DOCK4: variants seen among roughly 807,000 people sequenced by gnomAD.
DOCK4 encodes the protein dedicator of cytokinesis protein 4.
A neutral mutation model predicts 268.1 loss-of-function variants in DOCK4; 97 were observed. The observed-to-expected ratio is 0.36, with a 90% confidence interval of 0.31 to 0.43. DOCK4 has a LOEUF of 0.43. DOCK4 is among the 20% of genes least tolerant of loss of function. DOCK4 has a pLI of 1.00. For missense variants in DOCK4, 2,145 were observed against 2,455.7 expected, an observed-to-expected ratio of 0.87 and a Z score of 2.67; for synonymous variants, 954 against 887.2, an observed-to-expected ratio of 1.08 and a Z score of -1.34.
intron 1 of DOCK4, among the ~76,000 whole-genome samples, chr7:112,197,220 G>A (rs1820527516): frequency 6.6e-6 from 1 of 150,984 alleles, no homozygotes; most frequent in Non-Finnish European, 1.5e-5. Flanking sequence ...CTTCCTTTAA[G>A]TCACTTATTT....
At chr7:112,074,709 AT>A (rs1807907246) in intron 1 of DOCK4, among the ~76,000 whole-genome samples, 1 of 151,980 alleles carries the variant, frequency 6.6e-6, no homozygotes, top group Non-Finnish European at 1.5e-5. Flanking sequence ...CAGTTGGCCA[AT>A]TTTCTCACTT....
At chr7:112,059,877 G>A (rs1422981127) in intron 1 of DOCK4, among the ~76,000 whole-genome samples, 2 of 152,092 alleles carry the variant, frequency 1.3e-5, no homozygotes. Context: ...TGCTCTCAAA[G>A]TCTATACAAA....
chr7:111,753,706 CTGTT>C (rs1796840277), intron 42 of DOCK4, among the ~76,000 whole-genome samples: 1 of 152,190 alleles, frequency 6.6e-6, no homozygotes, highest in South Asian at 2.1e-4. Context: ...CTACCTGTCC[CTGTT>C]CTTGAAGACC....
chr7:112,014,457 T>C (rs536196682), intron 1 of DOCK4, among the ~76,000 whole-genome samples: 3 of 152,234 alleles, frequency 2.0e-5, no homozygotes, highest in East Asian at 3.9e-4. Context: ...AACTGGAAGA[T>C]AGGGACCCAG....
At chr7:111,881,953 G>A (rs1246764235) in intron 16 of DOCK4, among the ~76,000 whole-genome samples, 2 of 152,184 alleles carry the variant, frequency 1.3e-5, no homozygotes, top group Non-Finnish European at 2.9e-5. Flanking sequence ...AGATGACAGG[G>A]AGGTGGGGAT....
chr7:112,082,069 C>T, intron 1 of DOCK4, among the ~76,000 whole-genome samples: 1 of 152,044 alleles, frequency 6.6e-6, no homozygotes, highest in East Asian at 1.9e-4. Flanking sequence ...AATTACATGA[C>T]ATTATACATG....
chr7:111,831,305 A>G (rs1802794110), intron 26 of DOCK4, among the ~76,000 whole-genome samples: 1 of 152,082 alleles, frequency 6.6e-6, no homozygotes, highest in Admixed American at 6.6e-5. Flanking sequence ...CACCTTTTTA[A>G]TATTATCAGT....
Position 111,994,180 on chromosome 7 carries a change from T to C in DOCK4, c.270A>G (p.Thr90=). 1 of 1,608,936 alleles carries C rather than the reference T, an allele frequency of 6.2e-7. No homozygotes were observed. The highest frequency in any genetic ancestry group is 8.5e-7 in the Non-Finnish European group (1 of 1,176,860). ...PTEDSVITEM[T]STLRDWGTMW... ...TGGTTCCCCAGTCTCTTAATGTTGA[T>C]GTCATTTCTGTGATAACAGAGTCTT... Residue 90 remains threonine (T), a synonymous_variant, in exon 5 of 53, where the codon ACA becomes ACG. Coordinates refer to ENST00000428084, the MANE Select transcript of DOCK4 (RefSeq NM_001363540.2).
At chr7:112,010,832 TA>T (rs1369396418) in intron 1 of DOCK4, among the ~76,000 whole-genome samples, 1 of 152,158 alleles carries the variant, frequency 6.6e-6, no homozygotes, top group African/African-American at 2.4e-5. Flanking sequence ...TCTGACGTAT[TA>T]AAAGGTACCA....
intron 1 of DOCK4, among the ~76,000 whole-genome samples, chr7:112,160,004 T>C (rs540595048): frequency 3.5e-4 from 53 of 152,202 alleles, no homozygotes; most frequent in African/African-American, 1.0e-3. Context: ...GACACTCCAA[T>C]GAGCATTTCA....
chr7:111,827,238 G>A lies in DOCK4; in HGVS notation c.2836-4782C>T, dbSNP rs181645274. Among the ~76,000 whole-genome samples the A allele has an allele frequency of 1.3e-3, 201 of 152,096 alleles. 1 individual carries two copies. The highest frequency in any genetic ancestry group is 4.5e-3 in the African/African-American group (187 of 41,474). ...AAAATGGAATCTTTAAGTATCTTAC[G>A]CAAAATAACTCCCAAATGATCGTCC... On this transcript the variant is annotated intron_variant, in intron 26 of 52. Transcript: ENST00000428084.
Position 112,018,179 on chromosome 7 carries a change from A to AAAAAAAACACAC in DOCK4, c.38-14049_38-14048insGTGTGTTTTTTT. 8.3e-5 allele frequency among the ~76,000 whole-genome samples: 6 copies of AAAAAAAACACAC among 72,626 alleles called. 2 individuals carry two copies. Among genetic ancestry groups the AAAAAAAACACAC allele is most frequent in the Middle Eastern group, 0.015 (2 of 136 alleles). The allele number at this position is 72,626 out of a possible 152,430, so 47.6% of individuals were successfully genotyped here. A position where few individuals can be genotyped will look rare whatever the true frequency, so the allele number is the denominator to read the frequency against. On this transcript the variant is annotated intron_variant, in intron 1 of 52. Transcript: ENST00000428084. The stretch of plus-strand genomic sequence containing the variant: ...AAAAAAAAAAAAAAAAAAAAAAAAA[A>AAAAAAAACACAC]ACACAGGCAACCAGTATTCATGTGG...
Position 112,181,262 on chromosome 7 carries a change from G to A in DOCK4, c.37+24840C>T, listed in dbSNP as rs139241968. On this transcript the variant is annotated intron_variant, in intron 1 of 52. Transcript: ENST00000428084. ...TTTGACCCAGAAATTCCACACTGAA[G>A]TCCATATTCTACAGAGATATGAACC... Among the ~76,000 whole-genome samples the A allele has an allele frequency of 5.9e-5, 9 of 152,220 alleles. No individual in the cohort carries two copies. In the East Asian group the frequency reaches 1.7e-3, roughly 29 times the overall value.
intron 1 of DOCK4, among the ~76,000 whole-genome samples, chr7:112,175,209 T>C (rs964508038): frequency 6.6e-6 from 1 of 152,122 alleles, no homozygotes; most frequent in Admixed American, 6.6e-5. Context: ...CATTTCTTCA[T>C]CTGAAGTTTA....
rs1289561664 is a variant in DOCK4 at position 111,791,099 on chromosome 7, T to TATAA, written c.3167-495_3167-494insTTAT. 8.7e-3 allele frequency among the ~76,000 whole-genome samples: 1,197 copies of TATAA among 137,428 alleles called. 10 individuals carry two copies. Among genetic ancestry groups the TATAA allele is most frequent in the Non-Finnish European group, 0.014 (929 of 64,836 alleles). 90.2% of individuals were successfully genotyped at this position (137,428 alleles called of 152,430 possible). ...ATATATATATATATATATATATATATAAAATAAATCATCAGGAATTGGTTA... is the reference window on the plus strand; with the variant it reads ...ATATATATATATATATATATATATATATAAAAAATAAATCATCAGGAATTGGTTA... On this transcript the variant is annotated intron_variant, in intron 30 of 52. Coordinates refer to ENST00000428084, the MANE Select transcript of DOCK4 (RefSeq NM_001363540.2).
intron 1 of DOCK4, among the ~76,000 whole-genome samples, chr7:112,047,450 T>C (rs375112304): frequency 3.3e-5 from 5 of 152,250 alleles, no homozygotes; most frequent in African/African-American, 7.2e-5. Context: ...CACAAAGACA[T>C]TGGAATAGTA....
intron 1 of DOCK4, among the ~76,000 whole-genome samples, chr7:112,052,353 C>T (rs1388664337): frequency 6.6e-6 from 1 of 152,086 alleles, no homozygotes; most frequent in Non-Finnish European, 1.5e-5. Flanking sequence ...CGTTTAACCT[C>T]CAAGTCCCAA....
intron 4 of DOCK4, among the ~76,000 whole-genome samples, chr7:111,997,183 G>T (rs1800034920): frequency 6.6e-6 from 1 of 152,214 alleles, no homozygotes; most frequent in Admixed American, 6.5e-5. Context: ...AGGCTGAATG[G>T]TATCACATCT....
intron 13 of DOCK4, among the ~76,000 whole-genome samples, chr7:111,908,671 G>A (rs1376079591): frequency 2.6e-5 from 4 of 152,046 alleles, no homozygotes; most frequent in Admixed American, 1.3e-4. Context: ...CATGCATTAC[G>A]TATTTGTCCT....
Sources: allele counts gnomAD v4.1 joint callset (sites outside exome capture counted in the v4.1 genomes callset), GRCh38; gene constraint gnomAD v4.1.1; transcripts MANE v1.5; gene names NCBI Gene and HGNC (gene_info 2026-07-23, HGNC 2026-07-21).